UNC13C: variants seen among roughly 807,000 people sequenced by gnomAD.
UNC13C encodes protein unc-13 homolog C.
UNC13C carries 174 observed loss-of-function variants against 245.4 expected under a neutral mutation model. The observed-to-expected ratio is 0.71, with a 90% CI of 0.63 to 0.80. UNC13C has a LOEUF of 0.80. Ranked by LOEUF, UNC13C falls within the 30% of genes least tolerant of loss-of-function variation. The pLI, the probability that UNC13C is intolerant of heterozygous loss-of-function variation, is 0.00. For synonymous variants in UNC13C, 992 were observed against 895.1 expected (o/e 1.11, Z -1.93); for missense variants, 2,829 against 2,602.9 (o/e 1.09, Z -1.89).
chr15:53,929,877 G>A, the UNC13C span, among the ~76,000 whole-genome samples: 5 of 152,234 alleles, frequency 3.3e-5, no homozygotes, highest in Admixed American at 2.0e-4. Flanking sequence ...ATATCAAAAA[G>A]AACAAAAATA....
chr15:54,080,675 T>A (rs1331254780), intron 2 of UNC13C, among the ~76,000 whole-genome samples: 2 of 152,144 alleles, frequency 1.3e-5, no homozygotes, highest in Non-Finnish European at 2.9e-5. Flanking sequence ...GACACCTTTA[T>A]CAATTCTGAT....
Position 54,626,831 on chromosome 15 carries a change from T to G in UNC13C, c.6363T>G (p.Ile2121Met). The G allele has an allele frequency of 6.2e-7, 1 of 1,610,872 alleles. No homozygotes were observed. The change falls in exon 33 of 33, where the codon ATT (isoleucine) becomes ATG (methionine). Residue 2121 changes from isoleucine (I) to methionine (M), a missense_variant. Ile to Met is a conservative substitution (Grantham distance 10). Transcript: ENST00000260323. ...SPKYNETFQF[I>M]LGKENRPGAY... The stretch of plus-strand genomic sequence containing the variant: ...TTTGTATTTTTAATCCACACAGCAT[T>G]CTCGGAAAGGAAAATCGACCAGGGG...
At chr15:53,987,955 A>C (rs1894219034) in intron 1 of UNC13C, among the ~76,000 whole-genome samples, 1 of 151,920 alleles carries the variant, frequency 6.6e-6, no homozygotes, top group Admixed American at 6.6e-5. Flanking sequence ...TTTGCAGGAG[A>C]AATGAAGTTC....
chr15:54,014,840 C>T lies in UNC13C; in HGVS notation c.1937C>T (p.Ser646Phe). ...ASGDRSHYSD[S>F]QLSLHEDLSP... ...GGAGACCGGAGTCATTACAGTGATTCTCAGCTCTCTTTACATGAGGATCTT... is the reference window on the plus strand; with the variant it reads ...GGAGACCGGAGTCATTACAGTGATTTTCAGCTCTCTTTACATGAGGATCTT... Residue 646 changes from serine (S) to phenylalanine (F), a missense_variant, in exon 2 of 33, where the codon TCT becomes TTT. Ser to Phe is a radical substitution (Grantham distance 155). Coordinates refer to ENST00000260323, the MANE Select transcript of UNC13C (RefSeq NM_001080534.3). 1.2e-6 allele frequency: 2 copies of T among 1,613,848 alleles called. No individual in the cohort carries two copies. The highest frequency in any genetic ancestry group is 1.7e-6 in the Non-Finnish European group (2 of 1,179,838).
the UNC13C span, among the ~76,000 whole-genome samples, chr15:53,888,459 A>G: frequency 1.3e-5 from 2 of 152,264 alleles, no homozygotes; most frequent in Admixed American, 1.3e-4. Flanking sequence ...GCCCTTTGTC[A>G]GATGGATATA....
intron 19 of UNC13C, among the ~76,000 whole-genome samples, chr15:54,454,011 T>C (rs537404606): frequency 1.3e-5 from 2 of 152,244 alleles, no homozygotes; most frequent in Non-Finnish European, 2.9e-5. Flanking sequence ...ATAAATGCAA[T>C]CATAAAATAT....
intron 17 of UNC13C, among the ~76,000 whole-genome samples, chr15:54,350,593 G>A (rs1273988425): frequency 6.6e-6 from 1 of 152,104 alleles, no homozygotes; most frequent in Non-Finnish European, 1.5e-5. Context: ...GGTATCTCTG[G>A]AGTCAATTAC....
Position 54,053,858 on chromosome 15 carries a change from T to G in UNC13C, c.2983+37972T>G, listed in dbSNP as rs375114573. Among the ~76,000 whole-genome samples, 19 of 152,304 alleles carry G rather than the reference T, an allele frequency of 1.2e-4. No homozygotes were observed. The South Asian group carries it at 3.1e-3, about 25-fold the overall frequency. ...TCTCCATGCGTTCAATTGTTTGAAT[T>G]TTTAGCTCCCATAAATAAATGAGAA... is the stretch of plus-strand genomic sequence containing the variant. On this transcript the variant is annotated intron_variant, in intron 2 of 32. Transcript: ENST00000260323.
At chr15:54,620,332 C>A (rs1453892296) in intron 30 of UNC13C, among the ~76,000 whole-genome samples, 1 of 152,152 alleles carries the variant, frequency 6.6e-6, no homozygotes, top group Non-Finnish European at 1.5e-5. Context: ...GAAAAACTTA[C>A]ATTGTATACG....
chr15:54,092,236 G>A (rs559105819), intron 2 of UNC13C, among the ~76,000 whole-genome samples: 1 of 152,230 alleles, frequency 6.6e-6, no homozygotes, highest in Non-Finnish European at 1.5e-5. Context: ...ACAAGGTATA[G>A]CATTATGGAG....
intron 13 of UNC13C, among the ~76,000 whole-genome samples, chr15:54,312,870 G>A (rs2037911693): frequency 6.6e-6 from 1 of 151,776 alleles, no homozygotes; most frequent in Non-Finnish European, 1.5e-5. Flanking sequence ...TATATCAGCA[G>A]TCACTGAATA....
At chr15:54,571,767 G>A (rs1897765991) in intron 30 of UNC13C, among the ~76,000 whole-genome samples, 1 of 152,206 alleles carries the variant, frequency 6.6e-6, no homozygotes, top group African/African-American at 2.4e-5. Context: ...GAGTGCCAGA[G>A]GGTTAATGCC....
intron 29 of UNC13C, among the ~76,000 whole-genome samples, chr15:54,557,615 C>A (rs544348771): frequency 6.6e-6 from 1 of 151,708 alleles, no homozygotes; most frequent in South Asian, 2.1e-4. Context: ...CAAGCAGAGA[C>A]CTTATGAGAA....
chr15:54,490,644 C>T (rs1004803107), intron 19 of UNC13C, among the ~76,000 whole-genome samples: 4 of 150,560 alleles, frequency 2.7e-5, no homozygotes, highest in African/African-American at 9.8e-5. Context: ...TTGCAAGGGA[C>T]AGGGATTGGG....
rs1351615252 is a variant in UNC13C at position 54,297,881 on chromosome 15, A to G, written c.4059A>G (p.Glu1353=). 1.9e-6 allele frequency: 3 copies of G among 1,610,206 alleles called. No homozygotes were observed. Among genetic ancestry groups the G allele is most frequent in the Non-Finnish European group, 2.5e-6 (3 of 1,178,174 alleles). Residue 1353 remains glutamate, a synonymous_variant, in exon 12 of 33, where the codon GAA becomes GAG. Coordinates refer to ENST00000260323, the MANE Select transcript of UNC13C (RefSeq NM_001080534.3). The part of the protein sequence containing the change: ...RLKINVEIKG[E]EKVAPYHIQY... ...AAATCAATGTGGAGATAAAAGGAGA[A>G]GAGAAGGTTGCTCCATATCATATTC...
intron 17 of UNC13C, among the ~76,000 whole-genome samples, chr15:54,357,893 T>A (rs1511792): frequency 2.6e-5 from 4 of 151,412 alleles, no homozygotes; most frequent in Admixed American, 2.6e-4. Flanking sequence ...TTATATGTGT[T>A]TGTATGTATG....
chr15:54,027,451 C>T (rs1234887168), intron 2 of UNC13C, among the ~76,000 whole-genome samples: 4 of 152,204 alleles, frequency 2.6e-5, no homozygotes, highest in Non-Finnish European at 5.9e-5. Flanking sequence ...TCACTGCAAC[C>T]TCCACCCCTC....
intron 10 of UNC13C, among the ~76,000 whole-genome samples, chr15:54,291,995 T>A (rs987933248): frequency 6.6e-6 from 1 of 151,996 alleles, no homozygotes. Context: ...TTAAGATGAA[T>A]GTGACCATTT....
chr15:54,229,264 C>T (rs1183011013), intron 4 of UNC13C, among the ~76,000 whole-genome samples: 1 of 152,196 alleles, frequency 6.6e-6, no homozygotes, highest in East Asian at 1.9e-4. Context: ...TATACGGTGT[C>T]ATTCCGATTC....
Sources: gnomAD v4.1 joint callset for allele counts (sites outside exome capture counted in the v4.1 genomes callset) on GRCh38, gnomAD v4.1.1 for gene constraint, MANE v1.5 for transcripts, NCBI Gene and HGNC (gene_info 2026-07-23, HGNC 2026-07-21) for gene names.